Variants in SLC24A2 observed in about 807,000 individuals in gnomAD.
SLC24A2 encodes the protein solute carrier family 24 member 2, also known as sodium/potassium/calcium exchanger 2.
Under a neutral mutation model 62.0 loss-of-function variants are expected in SLC24A2, and 36 were observed. The observed-to-expected ratio is 0.58, with a 90% CI of 0.44 to 0.77. The LOEUF is 0.77. Ranked by LOEUF, SLC24A2 falls within the 30% of genes least tolerant of loss-of-function variation. The pLI, the probability that SLC24A2 is intolerant of heterozygous loss-of-function variation, is 0.00. For synonymous variants in SLC24A2, 358 were observed against 294.0 expected, an observed-to-expected ratio of 1.22 and a Z score of -2.23; for missense variants, 846 against 817.9, an observed-to-expected ratio of 1.03 and a Z score of -0.42.
At chr9:20,163,519 G>A in the SLC24A2 span, among the ~76,000 whole-genome samples, 1 of 152,116 alleles carries the variant, frequency 6.6e-6, no homozygotes, top group South Asian at 2.1e-4. Flanking sequence ...ATGCTCATGG[G>A]TAGGAAGAAT....
At chr9:20,078,113 A>G in the SLC24A2 span, among the ~76,000 whole-genome samples, 1 of 152,106 alleles carries the variant, frequency 6.6e-6, no homozygotes, top group African/African-American at 2.4e-5. Context: ...TGAGAAAAAA[A>G]TGCTTGATTA....
intron 5 of SLC24A2, among the ~76,000 whole-genome samples, chr9:19,584,018 G>C (rs1031735080): frequency 5.3e-5 from 8 of 152,064 alleles, no homozygotes; most frequent in African/African-American, 1.9e-4. Flanking sequence ...ATGGCACTTT[G>C]ATTGTACATG....
At chr9:20,187,973 G>A in the SLC24A2 span, among the ~76,000 whole-genome samples, 1 of 152,192 alleles carries the variant, frequency 6.6e-6, no homozygotes, top group Admixed American at 6.5e-5. Context: ...ATCCTCAGGA[G>A]GTGGGACTGT....
the SLC24A2 span, among the ~76,000 whole-genome samples, chr9:19,803,874 CTTAA>C: frequency 4.6e-5 from 7 of 151,978 alleles, no homozygotes; most frequent in Admixed American, 1.3e-4. Context: ...AATAAAATAA[CTTAA>C]TTGAGATATA....
chr9:19,913,883 T>G, the SLC24A2 span, among the ~76,000 whole-genome samples: 1 of 152,056 alleles, frequency 6.6e-6, no homozygotes, highest in Non-Finnish European at 1.5e-5. Flanking sequence ...TTTTTTTCTT[T>G]TTTTAATTTT....
intron 2 of SLC24A2, among the ~76,000 whole-genome samples, chr9:19,765,160 T>G (rs556178129): frequency 2.0e-5 from 3 of 152,312 alleles, no homozygotes; most frequent in Non-Finnish European, 2.9e-5. Flanking sequence ...TAAATCTTCC[T>G]GCATCCCTTT....
At chr9:20,039,184 T>C in the SLC24A2 span, among the ~76,000 whole-genome samples, 2 of 152,338 alleles carry the variant, frequency 1.3e-5, no homozygotes. Flanking sequence ...GTTTTAGCCC[T>C]GGTGTGTCTC....
At chr9:19,720,378 A>G (rs540879292) in intron 2 of SLC24A2, among the ~76,000 whole-genome samples, 2 of 152,294 alleles carry the variant, frequency 1.3e-5, no homozygotes, top group East Asian at 3.9e-4. Context: ...TAGAATCTAC[A>G]ATAGTTTACC....
At chr9:20,204,261 C>T in the SLC24A2 span, among the ~76,000 whole-genome samples, 1 of 152,096 alleles carries the variant, frequency 6.6e-6, no homozygotes, top group Non-Finnish European at 1.5e-5. Flanking sequence ...GAAAAGTCAG[C>T]AAAAGAATCC....
At chr9:19,729,377 C>G (rs1821268256) in intron 2 of SLC24A2, among the ~76,000 whole-genome samples, 1 of 152,046 alleles carries the variant, frequency 6.6e-6, no homozygotes. Flanking sequence ...GGCATTTATC[C>G]AAAAGAAAGG....
chr9:19,572,003 C>T (rs76625254), intron 7 of SLC24A2, among the ~76,000 whole-genome samples: 243 of 152,214 alleles, frequency 1.6e-3, no homozygotes, highest in African/African-American at 5.6e-3. Flanking sequence ...GGCGCAGTGG[C>T]TCACGCCTAT....
the SLC24A2 span, among the ~76,000 whole-genome samples, chr9:20,237,366 A>C: frequency 6.6e-6 from 1 of 152,238 alleles, no homozygotes; most frequent in Non-Finnish European, 1.5e-5. Flanking sequence ...GAAAAAGTTA[A>C]GTCTATTACC....
chr9:20,263,748 G>T, the SLC24A2 span, among the ~76,000 whole-genome samples: 13 of 151,382 alleles, frequency 8.6e-5, no homozygotes, highest in African/African-American at 2.7e-4. Context: ...CCTTTTGGAA[G>T]ACTTGCAATG....
chr9:20,082,999 C>T, the SLC24A2 span, among the ~76,000 whole-genome samples: 3 of 152,282 alleles, frequency 2.0e-5, no homozygotes, highest in Non-Finnish European at 2.9e-5. Flanking sequence ...GGCATGAATG[C>T]CCTGATTTCC....
the SLC24A2 span, among the ~76,000 whole-genome samples, chr9:20,278,822 A>T: frequency 6.6e-6 from 1 of 152,160 alleles, no homozygotes; most frequent in Admixed American, 6.6e-5. Context: ...TTACAACAGT[A>T]CCCAACTCTA....
chr9:19,636,281 C>CTGTTCTTTTCTTTTCTTTTCTT (rs1554690322), intron 2 of SLC24A2, among the ~76,000 whole-genome samples: 1 of 74,092 alleles, frequency 1.3e-5, no homozygotes, highest in Non-Finnish European at 2.8e-5. Context: ...TTCTTCTCTT[C>CTGTTCTTTTCTTTTCTTTTCTT]TTCTCTTCTT....
chr9:20,158,892 C>T, the SLC24A2 span, among the ~76,000 whole-genome samples: 1 of 151,560 alleles, frequency 6.6e-6, no homozygotes, highest in Non-Finnish European at 1.5e-5. Context: ...TCTGGGAAAA[C>T]TGAATTAGAA....
intron 2 of SLC24A2, among the ~76,000 whole-genome samples, chr9:19,668,116 C>T (rs898435564): frequency 3.3e-5 from 5 of 152,202 alleles, no homozygotes; most frequent in Non-Finnish European, 5.9e-5. Context: ...AGTGTGGACA[C>T]ACCAGATACC....
chr9:19,766,791 C>G (rs1018908890), intron 2 of SLC24A2, among the ~76,000 whole-genome samples: 9 of 152,244 alleles, frequency 5.9e-5, no homozygotes, highest in African/African-American at 2.2e-4. Flanking sequence ...CTTGAGGAGG[C>G]AGTCTGTCCC....
Sources: gnomAD v4.1 joint callset for allele counts (sites outside exome capture counted in the v4.1 genomes callset) on GRCh38, gnomAD v4.1.1 for gene constraint, MANE v1.5 for transcripts, NCBI Gene and HGNC (gene_info 2026-07-23, HGNC 2026-07-21) for gene names.